The following POLR3B variants were observed in gnomAD, a reference collection of about 807,000 sequenced individuals.
POLR3B encodes the protein RNA polymerase III subunit B, also known as DNA-directed RNA polymerase III subunit RPC2.
A neutral mutation model predicts 147.4 loss-of-function variants in POLR3B; 96 were observed. That is an observed-to-expected ratio of 0.65 (90% CI 0.55 to 0.77). POLR3B has a LOEUF of 0.77. Among genes scored for constraint, POLR3B ranks in the 30% least tolerant of loss-of-function variants. The pLI is 0.00. For missense variants in POLR3B, 1,036 were observed against 1,413.5 expected (o/e 0.73, Z 4.28); for synonymous variants, 461 against 485.9 (o/e 0.95, Z 0.67).
intron 6 of POLR3B, among the ~76,000 whole-genome samples, 197 bp from the exon 7 acceptor site, chr12:106,376,162 G>A (rs972870757): frequency 6.6e-6 from 1 of 152,118 alleles, no homozygotes; most frequent in African/African-American, 2.4e-5. Flanking sequence ...TTTATCATCT[G>A]TACTAGACGA....
intron 14 of POLR3B, among the ~76,000 whole-genome samples, chr12:106,431,366 T>C (rs2037508120): frequency 6.6e-6 from 1 of 152,208 alleles, no homozygotes; most frequent in Non-Finnish European, 1.5e-5. Flanking sequence ...TTCCCAGAGA[T>C]TGCTTCAGCT....
At chr12:106,485,948 C>T (rs2038331282) in intron 23 of POLR3B, among the ~76,000 whole-genome samples, 1 of 152,050 alleles carries the variant, frequency 6.6e-6, no homozygotes, top group Non-Finnish European at 1.5e-5. Flanking sequence ...TATATTTCAT[C>T]CTTTAACTGG....
intron 21 of POLR3B, among the ~76,000 whole-genome samples, chr12:106,458,731 A>G (rs747982978): frequency 5.3e-5 from 8 of 152,184 alleles, no homozygotes; most frequent in Non-Finnish European, 1.0e-4. Context: ...ACTGGTCAGT[A>G]TGGCTTGGAA....
At chr12:106,490,819 A>G (rs1175536760) in intron 23 of POLR3B, among the ~76,000 whole-genome samples, 2 of 152,258 alleles carry the variant, frequency 1.3e-5, no homozygotes. Flanking sequence ...ATGTCTTAAT[A>G]GGAACAGTCA....
chr12:106,469,034 A>G (rs1401867186), intron 23 of POLR3B, among the ~76,000 whole-genome samples: 1 of 152,182 alleles, frequency 6.6e-6, no homozygotes, highest in African/African-American at 2.4e-5. Flanking sequence ...TAATATTGAC[A>G]GTGGGGTGTT....
At chr12:106,489,013 A>G (rs1399682605) in intron 23 of POLR3B, among the ~76,000 whole-genome samples, 1 of 152,190 alleles carries the variant, frequency 6.6e-6, no homozygotes, top group Non-Finnish European at 1.5e-5. Flanking sequence ...TGGAGAGAAA[A>G]AAAAAGCAAT....
intron 1 of POLR3B, among the ~76,000 whole-genome samples, chr12:106,361,615 T>G (rs1178352137): frequency 1.3e-5 from 2 of 152,178 alleles, no homozygotes; most frequent in African/African-American, 2.4e-5. Context: ...ACAGGGTCAC[T>G]GCCCTTGAAA....
intron 10 of POLR3B, among the ~76,000 whole-genome samples, chr12:106,398,659 A>C (rs907093481): frequency 2.6e-5 from 4 of 152,228 alleles, no homozygotes; most frequent in Non-Finnish European, 5.9e-5. Context: ...ATCAGGCAGC[A>C]GCATTTGCGG....
chr12:106,382,393 T>C (rs1253504441), intron 9 of POLR3B, among the ~76,000 whole-genome samples: 1 of 152,244 alleles, frequency 6.6e-6, no homozygotes, highest in Non-Finnish European at 1.5e-5. Flanking sequence ...ACAGATATTC[T>C]TATTGGCATC....
intron 9 of POLR3B, among the ~76,000 whole-genome samples, chr12:106,386,096 A>G (rs2036832747): frequency 6.6e-6 from 1 of 152,182 alleles, no homozygotes; most frequent in Non-Finnish European, 1.5e-5. Flanking sequence ...CTATAATCCC[A>G]TCGCTTTGGG....
At chr12:106,492,129 A>G (rs565491159) in intron 23 of POLR3B, among the ~76,000 whole-genome samples, 3 of 152,180 alleles carry the variant, frequency 2.0e-5, no homozygotes, top group African/African-American at 4.8e-5. Context: ...AGAATGTGTT[A>G]ATTTTTCTTA....
At chr12:106,410,734 A>G (rs2037213384) in intron 11 of POLR3B, 92 bp from the exon 12 acceptor site, 1 of 1,009,184 alleles carries the variant, frequency 9.9e-7, no homozygotes, top group Non-Finnish European at 1.5e-6. Context: ...GTATTTTCTT[A>G]GTTGAATGTT....
Position 106,506,476 on chromosome 12 carries a change from G to A in POLR3B, c.3272+2222G>A, listed in dbSNP as rs995385112. On this transcript the variant is annotated intron_variant, in intron 27 of 27. Transcript: ENST00000228347. ...GTGCTTTGAAAACCTTCCCCTCTCCGCCACTGGTTACCCAGGGAAGGTAAT... is the reference window on the plus strand; with the variant it reads ...GTGCTTTGAAAACCTTCCCCTCTCCACCACTGGTTACCCAGGGAAGGTAAT... Among the ~76,000 whole-genome samples the A allele has an allele frequency of 5.3e-5, 8 of 152,136 alleles. No homozygotes were observed. The East Asian group carries it at 7.8e-4, about 15-fold the overall frequency.
chr12:106,453,246 A>G (rs141868799), intron 19 of POLR3B, among the ~76,000 whole-genome samples: 25 of 151,996 alleles, frequency 1.6e-4, no homozygotes, highest in Non-Finnish European at 3.2e-4. Context: ...TCCTAAGCTC[A>G]AGCAGTCCAC....
intron 9 of POLR3B, among the ~76,000 whole-genome samples, chr12:106,388,838 CTT>C (rs2036877493): frequency 6.6e-6 from 1 of 152,158 alleles, no homozygotes; most frequent in Admixed American, 6.5e-5. Flanking sequence ...GTATCAGTCT[CTT>C]TTGCTCATTA....
At chr12:106,397,964 G>A (rs926764967) in intron 10 of POLR3B, among the ~76,000 whole-genome samples, 4 of 152,220 alleles carry the variant, frequency 2.6e-5, no homozygotes, top group East Asian at 1.9e-4. Flanking sequence ...CTGAGATACC[G>A]GGTTCATCTC....
chr12:106,430,530 TGG>T, intron 14 of POLR3B, 57 bp downstream of exon 14: 1 of 1,360,550 alleles, frequency 7.3e-7, no homozygotes, highest in Non-Finnish European at 1.0e-6. Flanking sequence ...TGTCTGTGCA[TGG>T]GGTGGGGTGG....
intron 9 of POLR3B, among the ~76,000 whole-genome samples, chr12:106,389,290 T>C (rs2036883111): frequency 1.3e-5 from 2 of 152,210 alleles, no homozygotes; most frequent in South Asian, 4.1e-4. Context: ...TGACTTGATA[T>C]AGGAAGAGTT....
chr12:106,467,876 C>A (rs929815768), intron 23 of POLR3B, among the ~76,000 whole-genome samples: 9 of 152,078 alleles, frequency 5.9e-5, no homozygotes, highest in African/African-American at 2.2e-4. Flanking sequence ...TGAGGATTTT[C>A]GCATCAATGT....
Sources: gnomAD v4.1 joint callset for allele counts (sites outside exome capture counted in the v4.1 genomes callset) on GRCh38, gnomAD v4.1.1 for gene constraint, MANE v1.5 for transcripts, NCBI Gene and HGNC (gene_info 2026-07-23, HGNC 2026-07-21) for gene names.